Variants in MYO18B observed in about 807,000 individuals in gnomAD.
MYO18B encodes the protein unconventional myosin-XVIIIb.
MYO18B carries 204 observed loss-of-function variants against 273.0 expected under a neutral mutation model. The observed-to-expected ratio is 0.75, with a 90% CI of 0.67 to 0.84. The LOEUF is 0.84. Ranked by LOEUF, MYO18B falls within the 40% of genes least tolerant of loss-of-function variation. MYO18B has a pLI of 0.00. For missense variants in MYO18B, 3,212 were observed against 3,287.6 expected, an observed-to-expected ratio of 0.98 and a Z score of 0.56; for synonymous variants, 1,330 against 1,305.7, an observed-to-expected ratio of 1.02 and a Z score of -0.40.
rs545707828 is a variant in MYO18B at position 25,983,492 on chromosome 22, T to C, written c.6157-8871T>C. The C allele has an allele frequency of 2.0e-5, 3 of 152,348 alleles. No individual in the cohort carries two copies. The South Asian group carries it at 6.2e-4, about 32-fold the overall frequency. The allele number at this position is 152,348 out of a possible 1,614,324, so 9.4% of individuals were successfully genotyped here. On this transcript the variant is annotated intron_variant, in intron 39 of 43. Coordinates refer to ENST00000335473, the MANE Select transcript of MYO18B (RefSeq NM_032608.7). The stretch of plus-strand genomic sequence containing the variant: ...ATGAATTTGTACGGACTGAAAACCC[T>C]GTTGTCTGTCTGAAATAATGAAGCC...
At chr22:25,959,736 A>G (rs2092897423) in intron 39 of MYO18B, among the ~76,000 whole-genome samples, 7 of 152,166 alleles carry the variant, frequency 4.6e-5, no homozygotes, top group Admixed American at 3.9e-4. Context: ...CTTAATGTCA[A>G]CCTCAGCAAG....
downstream of MYO18B, among the ~76,000 whole-genome samples, chr22:26,033,799 TCC>T: frequency 6.6e-6 from 1 of 151,390 alleles, no homozygotes; most frequent in South Asian, 2.1e-4. Context: ...TGTCTCTCCT[TCC>T]TTCCTTTCTT....
In MYO18B at chr22:25,992,402, C is replaced by G. The variant is rs371671774; in HGVS notation, c.6196C>G (p.Leu2066Val). 39 of 1,614,062 alleles carry G rather than the reference C, an allele frequency of 2.4e-5. No homozygotes were observed. In the African/African-American group the frequency reaches 4.8e-4, roughly 20 times the overall value. ...VEELAAVRQT[L>V]QTDLETSIRR... Reference sequence around the variant, plus strand: ...GGAACTTGCAGCAGTGAGGCAAACCCTCCAGACAGACCTGGAGACATCCAT... The same window carrying G: ...GGAACTTGCAGCAGTGAGGCAAACCGTCCAGACAGACCTGGAGACATCCAT... Residue 2066 changes from leucine to valine, a missense_variant, in exon 40 of 44, where the codon CTC (leucine) becomes GTC (valine). By Grantham distance (32) the Leu-to-Val change is conservative. Transcript: ENST00000335473.
rs139433016 is a variant in MYO18B at position 25,990,411 on chromosome 22, T to C, written c.6157-1952T>C. On this transcript the variant is annotated intron_variant, in intron 39 of 43. Transcript: ENST00000335473. ...CAAAATAAAGAAAAATGAGGCCGGG[T>C]GCAGTGGCTCACGCCTGTAATTCCA... is the stretch of plus-strand genomic sequence containing the variant. Among the ~76,000 whole-genome samples the C allele has an allele frequency of 6.6e-5, 10 of 151,942 alleles. No homozygotes were observed. The East Asian group carries it at 2.0e-3, about 30-fold the overall frequency.
At chr22:25,842,775 A>G (rs1260427415) in intron 17 of MYO18B, among the ~76,000 whole-genome samples, 2 of 152,312 alleles carry the variant, frequency 1.3e-5, no homozygotes, top group African/African-American at 4.8e-5. Context: ...AGTTAGAGTA[A>G]TATTATAAAT....
In MYO18B at chr22:26,026,684, C is replaced by G. The variant is rs370439134; in HGVS notation, c.6710C>G (p.Pro2237Arg). ...PLASRSTNTS[P>R]LSREKLPSPS... Reference sequence around the variant, plus strand: ...GCTTCTCGGAGTACAAATACATCCCCGCTGTCGAGGGAAAAGCTGCCCAGT... The same window carrying G: ...GCTTCTCGGAGTACAAATACATCCCGGCTGTCGAGGGAAAAGCTGCCCAGT... The change falls in exon 43 of 44, where the codon CCG (proline) becomes CGG (arginine). Residue 2237 changes from proline to arginine, a missense_variant. Pro to Arg is a moderately radical substitution (Grantham distance 103). Transcript: ENST00000335473. 2 of 1,613,782 alleles carry G rather than the reference C, an allele frequency of 1.2e-6. No individual in the cohort carries two copies. The highest frequency in any genetic ancestry group is 8.5e-7 in the Non-Finnish European group (1 of 1,179,882).
chr22:25,904,330 T>C (rs1363029273), intron 31 of MYO18B, among the ~76,000 whole-genome samples: 1 of 152,220 alleles, frequency 6.6e-6, no homozygotes, highest in Admixed American at 6.5e-5. Context: ...CATTGAGTAC[T>C]GTCTGTATAC....
At chr22:26,041,035 C>G in the MYO18B span, among the ~76,000 whole-genome samples, 1 of 152,158 alleles carries the variant, frequency 6.6e-6, no homozygotes, top group African/African-American at 2.4e-5. Flanking sequence ...GACCTAGGTC[C>G]TAGAGCAGGG....
chr22:25,842,838 T>G (rs1053570286), intron 17 of MYO18B, among the ~76,000 whole-genome samples: 1 of 152,202 alleles, frequency 6.6e-6, no homozygotes, highest in African/African-American at 2.4e-5. Flanking sequence ...CAAGCACTTC[T>G]GGACTCTGCA....
chr22:25,770,837 C>G, intron 5 of MYO18B, 35 bp from the exon 6 acceptor site: 3 of 1,479,902 alleles, frequency 2.0e-6, no homozygotes, highest in Non-Finnish European at 2.8e-6. Context: ...CCATCTCCTC[C>G]CCGTTCCCCT....
At chr22:25,908,238 G>A in intron 31 of MYO18B, 84 bp from the exon 32 acceptor site, 1 of 1,062,890 alleles carries the variant, frequency 9.4e-7, no homozygotes, top group East Asian at 2.6e-5. Context: ...AATGAGAAAT[G>A]CAATTGGAAT....
chr22:25,760,968 T>C lies in MYO18B; in HGVS notation c.-109-16T>C. 1.9e-6 allele frequency: 2 copies of C among 1,044,656 alleles called. No homozygotes were observed. Among genetic ancestry groups the C allele is most frequent in the Non-Finnish European group, 2.9e-6 (2 of 679,886 alleles). 64.7% of individuals were successfully genotyped at this position (1,044,656 alleles called of 1,614,324 possible). A position where few individuals can be genotyped will look rare whatever the true frequency, so the allele number is the denominator to read the frequency against. On this transcript the variant is annotated splice_polypyrimidine_tract_variant and intron_variant, in intron 1 of 43. Coordinates refer to ENST00000335473, the MANE Select transcript of MYO18B (RefSeq NM_032608.7). ...CTGTCTCTCTCTTCTCTCCCCACTG[T>C]GTCCCTGTGTGTCAGTTCTGTGTCC...
chr22:25,950,587 T>C (rs910939560), intron 37 of MYO18B, 137 bp downstream of exon 37: 1 of 605,518 alleles, frequency 1.7e-6, no homozygotes, highest in Admixed American at 3.4e-5. Context: ...TTATTTATTT[T>C]TGAGACAAGA....
At chr22:25,781,131 A>C (rs892594967) in intron 9 of MYO18B, among the ~76,000 whole-genome samples, 11 of 152,328 alleles carry the variant, frequency 7.2e-5, no homozygotes, top group Admixed American at 1.3e-4. Context: ...GGCTTCTATT[A>C]AAAAGGGAAT....
At chr22:25,755,680 G>A (rs4550768) in intron 1 of MYO18B, among the ~76,000 whole-genome samples, 1 of 152,162 alleles carries the variant, frequency 6.6e-6, no homozygotes. Context: ...GTTAATCAGC[G>A]AGTTCTTGCT....
At chr22:25,889,313 C>A (rs911661436) in intron 25 of MYO18B, among the ~76,000 whole-genome samples, 23 of 152,128 alleles carry the variant, frequency 1.5e-4, no homozygotes, top group African/African-American at 5.6e-4. Flanking sequence ...TTGTAAGAAC[C>A]ATTTACCTTC....
chr22:25,747,180 C>T (rs2085805733), intron 1 of MYO18B, among the ~76,000 whole-genome samples: 1 of 152,108 alleles, frequency 6.6e-6, no homozygotes, highest in African/African-American at 2.4e-5. Flanking sequence ...AGCACTCAAT[C>T]CCTAAAATCA....
At chr22:25,828,648 T>C in intron 14 of MYO18B, 128 bp from the exon 15 acceptor site, 1 of 819,324 alleles carries the variant, frequency 1.2e-6, no homozygotes, top group Admixed American at 2.6e-5. Flanking sequence ...GTTAAGTAGC[T>C]TGCCTGAGGT....
chr22:26,058,399 G>A, the MYO18B span, among the ~76,000 whole-genome samples: 1 of 152,180 alleles, frequency 6.6e-6, no homozygotes, highest in Non-Finnish European at 1.5e-5. Flanking sequence ...AAATGTGTGA[G>A]TGCATGAAGC....
Sources: allele counts gnomAD v4.1 joint callset (sites outside exome capture counted in the v4.1 genomes callset), GRCh38; gene constraint gnomAD v4.1.1; transcripts MANE v1.5; gene names NCBI Gene and HGNC (gene_info 2026-07-23, HGNC 2026-07-21).